PTPRT: variants seen among roughly 807,000 people sequenced by gnomAD.
The protein encoded by PTPRT is receptor-type tyrosine-protein phosphatase T.
In PTPRT, 56 loss-of-function variants were observed where a neutral mutation model predicts 176.8. The ratio of observed to expected loss-of-function variants is 0.32; its 90% CI spans 0.26 to 0.40. PTPRT has a LOEUF of 0.40. Ranked by LOEUF, PTPRT falls within the 10% of genes least tolerant of loss-of-function variation. The pLI is 1.00. For synonymous variants in PTPRT, 783 were observed against 739.0 expected (o/e 1.06, Z -0.96); for missense variants, 1,540 against 1,908.2 (o/e 0.81, Z 3.60).
At chr20:42,137,370 G>A (rs1211013298) in intron 18 of PTPRT, among the ~76,000 whole-genome samples, 1 of 152,138 alleles carries the variant, frequency 6.6e-6, no homozygotes, top group Admixed American at 6.5e-5. Context: ...TAGGAGTGAG[G>A]GTCCTCTCTG....
intron 8 of PTPRT, among the ~76,000 whole-genome samples, chr20:42,461,973 G>T (rs1377377904): frequency 6.6e-6 from 1 of 151,532 alleles, no homozygotes; most frequent in Non-Finnish European, 1.5e-5. Context: ...GGGTGGAAAG[G>T]GGACAATTGC....
At chr20:42,204,808 A>G (rs180925102) in intron 15 of PTPRT, among the ~76,000 whole-genome samples, 34 of 152,146 alleles carry the variant, frequency 2.2e-4, no homozygotes, top group African/African-American at 6.7e-4. Flanking sequence ...GGCTGTTAAA[A>G]GTGTGGAAAT....
intron 9 of PTPRT, among the ~76,000 whole-genome samples, chr20:42,362,716 T>C (rs2058447036): frequency 6.6e-6 from 1 of 152,158 alleles, no homozygotes; most frequent in East Asian, 1.9e-4. Flanking sequence ...ATCCTGTGGT[T>C]ATACAAGATG....
At chr20:42,495,117 A>G (rs1310463871) in intron 7 of PTPRT, among the ~76,000 whole-genome samples, 1 of 152,116 alleles carries the variant, frequency 6.6e-6, no homozygotes, top group African/African-American at 2.4e-5. Context: ...CAGAGCAGCA[A>G]AGAACTTAAA....
chr20:42,430,909 A>T (rs567686323), intron 9 of PTPRT, among the ~76,000 whole-genome samples: 1 of 152,278 alleles, frequency 6.6e-6, no homozygotes, highest in South Asian at 2.1e-4. Context: ...ACTCAACACA[A>T]TACTTAAAAC....
intron 3 of PTPRT, among the ~76,000 whole-genome samples, chr20:42,789,352 CAT>C (rs916782399): frequency 3.3e-5 from 5 of 152,326 alleles, no homozygotes; most frequent in Admixed American, 2.0e-4. Flanking sequence ...TTATAAATGA[CAT>C]GTGTGGTTCC....
intron 8 of PTPRT, among the ~76,000 whole-genome samples, chr20:42,451,397 A>C (rs753737787): frequency 2.0e-5 from 3 of 152,220 alleles, no homozygotes; most frequent in African/African-American, 7.2e-5. Flanking sequence ...TCAGGTATAC[A>C]TAGAACATCC....
chr20:42,915,704 A>G (rs1193727517), intron 1 of PTPRT, among the ~76,000 whole-genome samples: 1 of 151,812 alleles, frequency 6.6e-6, no homozygotes, highest in Non-Finnish European at 1.5e-5. Flanking sequence ...CAATCCTCCA[A>G]TCTTAGCCTC....
the PTPRT span, among the ~76,000 whole-genome samples, chr20:42,054,360 C>G: frequency 6.6e-6 from 1 of 152,094 alleles, no homozygotes; most frequent in African/African-American, 2.4e-5. Context: ...AAGAATGAAT[C>G]CAAGCTTCTA....
intron 16 of PTPRT, among the ~76,000 whole-genome samples, chr20:42,178,911 G>A (rs1990404831): frequency 6.6e-6 from 1 of 152,184 alleles, no homozygotes; most frequent in African/African-American, 2.4e-5. Context: ...GAACAGACAA[G>A]TGGGAGTGAG....
intron 5 of PTPRT, among the ~76,000 whole-genome samples, chr20:42,764,784 T>C (rs1187392574): frequency 6.6e-6 from 1 of 152,212 alleles, no homozygotes; most frequent in Non-Finnish European, 1.5e-5. Context: ...ACATCAGCTG[T>C]TAAACATAGT....
At chr20:42,746,607 C>A (rs1299192244) in intron 6 of PTPRT, among the ~76,000 whole-genome samples, 5 of 147,140 alleles carry the variant, frequency 3.4e-5, no homozygotes, top group Admixed American at 2.7e-4. Context: ...TCTATGTGTT[C>A]TTGACAATAG....
chr20:42,375,593 T>G (rs1469192579), intron 9 of PTPRT, among the ~76,000 whole-genome samples: 2 of 152,120 alleles, frequency 1.3e-5, no homozygotes, highest in Non-Finnish European at 2.9e-5. Flanking sequence ...CTCCTAGAAG[T>G]TTGAGAAATA....
rs540888590 is a variant in PTPRT at position 42,323,612 on chromosome 20, G to A, written c.1866-7616C>T. On this transcript the variant is annotated intron_variant, in intron 11 of 30. Coordinates refer to ENST00000373187, the MANE Select transcript of PTPRT (RefSeq NM_007050.6). Reference sequence around the variant, plus strand: ...AACATCACACTCTGGGGACTGTTGTGGGGTAGGGGGAGAGGGGAGGGATAG... The same window carrying A: ...AACATCACACTCTGGGGACTGTTGTAGGGTAGGGGGAGAGGGGAGGGATAG... Among the ~76,000 whole-genome samples, 9 of 152,160 alleles carry A rather than the reference G, an allele frequency of 5.9e-5. No homozygotes were observed. In the East Asian group the frequency reaches 7.7e-4, roughly 13 times the overall value.
chr20:42,704,928 G>A (rs796872832), intron 6 of PTPRT, among the ~76,000 whole-genome samples: 12 of 152,214 alleles, frequency 7.9e-5, no homozygotes, highest in African/African-American at 1.9e-4. Context: ...ACATGCGGCC[G>A]GGCGTGGTGG....
At chr20:43,179,898 C>G (rs1318978847) in intron 1 of PTPRT, among the ~76,000 whole-genome samples, 2 of 152,232 alleles carry the variant, frequency 1.3e-5, no homozygotes, top group Non-Finnish European at 2.9e-5. Flanking sequence ...GGCATTCATG[C>G]CTGTGATGGT....
rs190883368 is a variant in PTPRT, at chr20:43,066,216, G to C, written c.88+123430C>G. Among the ~76,000 whole-genome samples the C allele has an allele frequency of 1.7e-3, 264 of 152,282 alleles. 2 individuals carry two copies. Among genetic ancestry groups the C allele is most frequent in the South Asian group, 8.5e-3 (41 of 4,816 alleles). ...AAGGCTCTCACACACCCACCAGTCT[G>C]TGTCACCCAGATGGCTTCCTGCTCA... On this transcript the variant is annotated intron_variant, in intron 1 of 30. Coordinates refer to ENST00000373187, the MANE Select transcript of PTPRT (RefSeq NM_007050.6).
chr20:42,041,039 C>T, the PTPRT span, among the ~76,000 whole-genome samples: 10 of 152,180 alleles, frequency 6.6e-5, no homozygotes, highest in Admixed American at 6.5e-4. Context: ...TGTGTTTCTG[C>T]GTGTGCTCAC....
rs1982524614 is a variant in PTPRT at position 42,073,801 on chromosome 20, T to C, written c.*7078A>G. 4.5e-6 allele frequency: 1 copy of C among 224,208 alleles called. No homozygotes were observed. Among genetic ancestry groups the C allele is most frequent in the Admixed American group, 5.7e-5 (1 of 17,438 alleles). The allele number at this position is 224,208 out of a possible 1,614,324, so 13.9% of individuals were successfully genotyped here. A position where few individuals can be genotyped will look rare whatever the true frequency, so the allele number is the denominator to read the frequency against. On this transcript the variant is annotated 3_prime_UTR_variant, in exon 31 of 31. Transcript: ENST00000373187. ...TACTTGGATTCGTGCTCTACAGGTA[T>C]GAATGAGTTCAAACATGATCCCAGC...
Sources: gnomAD v4.1 joint callset for allele counts (sites outside exome capture counted in the v4.1 genomes callset) on GRCh38, gnomAD v4.1.1 for gene constraint, MANE v1.5 for transcripts, NCBI Gene and HGNC (gene_info 2026-07-23, HGNC 2026-07-21) for gene names.